The following CDH5 variants were observed in gnomAD, a reference collection of about 807,000 sequenced individuals.
CDH5 encodes the protein cadherin 5, also known as cadherin-5.
Under a neutral mutation model 62.0 loss-of-function variants are expected in CDH5, and 28 were observed. That is an observed-to-expected ratio of 0.45 (90% CI 0.33 to 0.62). The LOEUF (loss-of-function observed/expected upper bound fraction) is 0.62. Among genes scored for constraint, CDH5 ranks in the 20% least tolerant of loss-of-function variants. The pLI, the probability that CDH5 is intolerant of heterozygous loss-of-function variation, is 0.02. For synonymous variants in CDH5, 464 were observed against 445.8 expected, an observed-to-expected ratio of 1.04 and a Z score of -0.52; for missense variants, 940 against 1,065.1, an observed-to-expected ratio of 0.88 and a Z score of 1.63.
intron 1 of CDH5, chr16:66,376,619 C>T (rs568076369): frequency 3.9e-5 from 6 of 152,310 alleles, no homozygotes; most frequent in African/African-American, 1.2e-4. Flanking sequence ...AGACCAGCAA[C>T]AGCACTTCTG....
At chr16:66,387,411 A>G (rs1053972678) in intron 3 of CDH5, among the ~76,000 whole-genome samples, 17 of 152,138 alleles carry the variant, frequency 1.1e-4, no homozygotes, top group African/African-American at 4.1e-4. Flanking sequence ...TCATGGGTTG[A>G]ACCCTGACAC....
In CDH5 at chr16:66,402,762, G is replaced by A. The variant is rs1961311037; in HGVS notation, c.1948G>A (p.Gly650Ser). 9 of 1,608,348 alleles carry A rather than the reference G, an allele frequency of 5.6e-6. No individual in the cohort carries two copies. In the East Asian group the frequency reaches 1.1e-4, roughly 20 times the overall value. ...GCTGGTCACCTACGACGAGGAGGGC[G>A]GCGGCGAGATGGACACCACCAGCTA... ...EQLVTYDEEG[G>S]GEMDTTSYDV... is the part of the protein sequence containing the mutation. Residue 650 changes from glycine (G) to serine (S), a missense_variant, in exon 12 of 12, where the codon GGC (glycine) becomes AGC (serine). Gly to Ser is a moderately conservative substitution (Grantham distance 56). Transcript: ENST00000341529.
At chr16:66,381,979 G>C (rs1960906828) in intron 2 of CDH5, among the ~76,000 whole-genome samples, 1 of 152,224 alleles carries the variant, frequency 6.6e-6, no homozygotes, top group South Asian at 2.1e-4. Context: ...CCCACAAATG[G>C]TGTGGGGGTG....
chr16:66,369,880 T>C (rs941419105), intron 1 of CDH5, among the ~76,000 whole-genome samples: 2 of 152,188 alleles, frequency 1.3e-5, no homozygotes, highest in Admixed American at 6.5e-5. Context: ...ATGTCTGCCA[T>C]AGGTGTGGAA....
At chr16:66,374,708 T>TC (rs932864209) in intron 1 of CDH5, among the ~76,000 whole-genome samples, 1 of 151,598 alleles carries the variant, frequency 6.6e-6, no homozygotes, top group African/African-American at 2.4e-5. Flanking sequence ...TTTTTTTTTT[T>TC]CAAATCAAGG....
At chr16:66,377,464 C>T (rs1960806854) in intron 1 of CDH5, 1 of 152,276 alleles carries the variant, frequency 6.6e-6, no homozygotes, top group African/African-American at 2.4e-5. Flanking sequence ...ATCAGTGGGC[C>T]CAGAGGTCAG....
At chr16:66,398,395 C>T (rs2142341382) in intron 9 of CDH5, 61 bp from the exon 10 acceptor site, 3 of 1,083,522 alleles carry the variant, frequency 2.8e-6, no homozygotes, top group Non-Finnish European at 4.2e-6. Context: ...CATCGCTAAA[C>T]CTCAGACCAC....
intron 7 of CDH5, chr16:66,395,408 T>C (rs1252081222): frequency 6.6e-6 from 1 of 151,642 alleles, no homozygotes; most frequent in African/African-American, 2.4e-5. Context: ...AGGATTTGCC[T>C]AAGTATTGGG....
Position 66,400,751 on chromosome 16 carries a change from C to CG in CDH5, c.1592-19dup. The stretch of plus-strand genomic sequence containing the variant: ...CTGTGCAGATGGCAAAGCCTGACTC[C>CG]GAGGCCTTGGTGTTTCCAGATAACA... On this transcript the variant is annotated intron_variant, in intron 10 of 11. Coordinates refer to ENST00000341529, the MANE Select transcript of CDH5 (RefSeq NM_001795.5). 1 of 1,614,054 alleles carries CG rather than the reference C, an allele frequency of 6.2e-7. No individual in the cohort carries two copies. Among genetic ancestry groups the CG allele is most frequent in the Non-Finnish European group, 8.5e-7 (1 of 1,180,006 alleles).
intron 3 of CDH5, among the ~76,000 whole-genome samples, 168 bp from the exon 4 acceptor site, chr16:66,388,156 G>A (rs1961018685): frequency 6.6e-6 from 1 of 152,066 alleles, no homozygotes. Context: ...ACTGCCACCA[G>A]CACTTTGCCC....
chr16:66,401,155 T>C, intron 11 of CDH5, 139 bp downstream of exon 11: 3 of 1,124,686 alleles, frequency 2.7e-6, no homozygotes, highest in Non-Finnish European at 3.8e-6. Flanking sequence ...ATGCAGCCCT[T>C]AGCCAGTTCA....
At chr16:66,376,499 G>T (rs1378925777) in intron 1 of CDH5, 5 of 152,206 alleles carry the variant, frequency 3.3e-5, no homozygotes, top group African/African-American at 1.2e-4. Context: ...GCGAACCCTG[G>T]GAGGCCAATT....
intron 1 of CDH5, among the ~76,000 whole-genome samples, chr16:66,371,470 G>A (rs915805327): frequency 6.6e-6 from 1 of 152,190 alleles, no homozygotes; most frequent in South Asian, 2.1e-4. Flanking sequence ...GAAAGCGGGT[G>A]TGCTGGGGGT....
At chr16:66,395,503 C>CTTTTTTTTTTTTTTTTTTTTTTTT (rs56675642) in intron 7 of CDH5, 246 of 80,896 alleles carry the variant, frequency 3.0e-3, no homozygotes, top group Non-Finnish European at 3.3e-3. Flanking sequence ...CTTTTCTTTT[C>CTTTTTTTTTTTTTTTTTTTTTTTT]TTTTTTTTTT....
intron 1 of CDH5, among the ~76,000 whole-genome samples, chr16:66,370,076 C>G (rs1168194491): frequency 6.6e-6 from 1 of 152,164 alleles, no homozygotes; most frequent in East Asian, 1.9e-4. Context: ...TCTTGGCTCA[C>G]TGCAACCTCC....
chr16:66,386,794 C>A lies in CDH5; in HGVS notation c.211-15C>A. 3 of 1,586,448 alleles carry A rather than the reference C, an allele frequency of 1.9e-6. No individual in the cohort carries two copies. The highest frequency in any genetic ancestry group is 2.6e-6 in the Non-Finnish European group (3 of 1,164,162). Reference sequence around the variant, plus strand: ...TGCCGCCCATTCCCAGCTCACGTCACCTCTTCTTTTCTAGATCAAGTCAAG... The same window carrying A: ...TGCCGCCCATTCCCAGCTCACGTCAACTCTTCTTTTCTAGATCAAGTCAAG... On this transcript the variant is annotated splice_polypyrimidine_tract_variant and intron_variant, in intron 2 of 11. Transcript: ENST00000341529.
chr16:66,392,039 T>A, intron 6 of CDH5, 97 bp from the exon 7 acceptor site: 1 of 1,458,708 alleles, frequency 6.9e-7, no homozygotes, highest in Non-Finnish European at 9.4e-7. Flanking sequence ...AAAATGGGTG[T>A]CATCCTGGTA....
intron 1 of CDH5, 102 bp from the exon 2 acceptor site, chr16:66,379,217 C>A (rs1208274791): frequency 5.9e-6 from 5 of 843,292 alleles, no homozygotes; most frequent in Non-Finnish European, 7.6e-6. Flanking sequence ...TTGCCCCAGG[C>A]TTTTGGCATT....
At chr16:66,378,910 C>T (rs1028154037) in intron 1 of CDH5, among the ~76,000 whole-genome samples, 3 of 152,106 alleles carry the variant, frequency 2.0e-5, no homozygotes, top group Non-Finnish European at 4.4e-5. Context: ...CTGCTCACAC[C>T]CTTAGGCAGT....
Sources: allele counts gnomAD v4.1 joint callset (sites outside exome capture counted in the v4.1 genomes callset), GRCh38; gene constraint gnomAD v4.1.1; transcripts MANE v1.5; gene names NCBI Gene and HGNC (gene_info 2026-07-23, HGNC 2026-07-21).